HYDIN: variants seen among roughly 807,000 people sequenced by gnomAD.
HYDIN encodes HYDIN axonemal central pair apparatus protein, also known as axonemal central pair apparatus protein HYDIN.
In HYDIN, 132 loss-of-function variants were observed where a neutral mutation model predicts 403.9. That is an observed-to-expected ratio of 0.33 (90% confidence interval 0.28 to 0.38). The LOEUF (loss-of-function observed/expected upper bound fraction) is 0.38. HYDIN is among the 10% of genes least tolerant of loss of function. HYDIN has a pLI of 1.00. For missense variants in HYDIN, 2,827 were observed against 5,009.5 expected, an observed-to-expected ratio of 0.56 and a Z score of 13.15; for synonymous variants, 1,202 against 1,891.7, an observed-to-expected ratio of 0.64 and a Z score of 9.46.
chr16:71,188,997 A>G (rs183876224), intron 1 of HYDIN, among the ~76,000 whole-genome samples: 15 of 152,366 alleles, frequency 9.8e-5, no homozygotes, highest in Admixed American at 3.9e-4. Flanking sequence ...TGGAAATTTT[A>G]AAGTCTTCTA....
Position 70,835,843 on chromosome 16 carries a change from C to A in HYDIN, c.13243-9G>T. The A allele has an allele frequency of 1.6e-6, 1 of 643,662 alleles. No homozygotes were observed. The highest frequency in any genetic ancestry group is 1.9e-5 in the South Asian group (1 of 52,920). The allele number at this position is 643,662 out of a possible 1,614,324, so 39.9% of individuals were successfully genotyped here. Reference sequence around the variant, plus strand: ...GGATCTAGGACTAAAATCTGTGGGACAAGAAAGAGTAGGAAGAAGAGTTCA... The same window carrying A: ...GGATCTAGGACTAAAATCTGTGGGAAAAGAAAGAGTAGGAAGAAGAGTTCA... On this transcript the variant is annotated splice_polypyrimidine_tract_variant and intron_variant, in intron 77 of 85. Transcript: ENST00000393567.
chr16:71,211,375 TCA>T (rs1321822395), intron 1 of HYDIN, among the ~76,000 whole-genome samples: 13 of 146,946 alleles, frequency 8.8e-5, no homozygotes, highest in Admixed American at 8.2e-4. Flanking sequence ...GTACAGTGAC[TCA>T]CACCTGTAAT....
At chr16:71,178,367 C>T (rs141447501) in intron 4 of HYDIN, among the ~76,000 whole-genome samples, 2,382 of 146,390 alleles carry the variant, frequency 0.016, 127 homozygotes, top group East Asian at 0.16. Context: ...TGCAGTGAGC[C>T]GAGATCGTAC....
chr16:71,061,861 A>AGTTTGT (rs2082092266), intron 17 of HYDIN, among the ~76,000 whole-genome samples: 1 of 144,022 alleles, frequency 6.9e-6, no homozygotes, highest in Admixed American at 6.9e-5. Context: ...CATGTGTGAC[A>AGTTTGT]GTGTGTGTGT....
intron 72 of HYDIN, 38 bp downstream of exon 72, chr16:70,857,667 A>T: frequency 8.1e-7 from 1 of 1,238,952 alleles, no homozygotes; most frequent in Non-Finnish European, 1.1e-6. Context: ...TGCCCAGATC[A>T]TGCCAACTCT....
Position 70,920,822 on chromosome 16 carries a change from C to T in HYDIN, c.7554G>A (p.Lys2518=), listed in dbSNP as rs929807915. 6.4e-7 allele frequency: 1 copy of T among 1,570,988 alleles called. No homozygotes were observed. The highest frequency in any genetic ancestry group is 8.6e-7 in the Non-Finnish European group (1 of 1,157,154). The change falls in exon 46 of 86, where the codon AAG becomes AAA. Residue 2518 remains lysine (K), a synonymous_variant. Transcript: ENST00000393567. ...CCAGGCGCTCCTTCTCCGTGCGCTC[C>T]TTCTCCAGGCGCTCTCTCTCCCGGT... is the stretch of plus-strand genomic sequence containing the variant. ...RKDRERERLE[K]ERTEKERLER...
At chr16:71,066,827 A>C (rs1184114213) in intron 15 of HYDIN, 1 of 467,272 alleles carries the variant, frequency 2.1e-6, no homozygotes, top group Non-Finnish European at 4.3e-6. Flanking sequence ...TCCTAGCCTG[A>C]AATTCAAGTC....
intron 67 of HYDIN, among the ~76,000 whole-genome samples, chr16:70,864,932 G>T (rs1287766205): frequency 6.6e-6 from 1 of 152,094 alleles, no homozygotes; most frequent in Non-Finnish European, 1.5e-5. Flanking sequence ...TACAAAAACA[G>T]GCTACAGGCC....
chr16:70,932,412 T>A (rs370370419), intron 45 of HYDIN, among the ~76,000 whole-genome samples: 1 of 151,870 alleles, frequency 6.6e-6, no homozygotes, highest in Non-Finnish European at 1.5e-5. Context: ...ACAAATATTT[T>A]TGAGCACCTT....
At chr16:71,180,244 A>G (rs1266387295) in intron 3 of HYDIN, among the ~76,000 whole-genome samples, 1 of 152,102 alleles carries the variant, frequency 6.6e-6, no homozygotes, top group East Asian at 1.9e-4. Flanking sequence ...TATTATGTCA[A>G]TAAATGTGAA....
At chr16:70,902,823 T>TATATATA (rs1567799734) in intron 52 of HYDIN, among the ~76,000 whole-genome samples, 16 of 20,798 alleles carry the variant, frequency 7.7e-4, no homozygotes, top group African/African-American at 3.8e-3. Context: ...ATATATATAT[T>TATATATA]TTTTTTTTTT....
At chr16:71,072,413 C>G (rs6499431) in intron 13 of HYDIN, among the ~76,000 whole-genome samples, 2 of 152,166 alleles carry the variant, frequency 1.3e-5, no homozygotes, top group Admixed American at 1.3e-4. Context: ...GGTTTGAGCC[C>G]TTCTGTACAG....
chr16:71,170,723 C>T (rs781012969), intron 5 of HYDIN, among the ~76,000 whole-genome samples: 9 of 152,138 alleles, frequency 5.9e-5, no homozygotes, highest in Admixed American at 3.9e-4. Flanking sequence ...TAAGGAGTGA[C>T]TGTGGTTTTT....
Position 71,186,915 on chromosome 16 carries a change from TC to T in HYDIN, c.-21del, listed in dbSNP as rs2087181794. The T allele has an allele frequency of 3.7e-6, 6 of 1,601,514 alleles. No individual in the cohort carries two copies. The highest frequency in any genetic ancestry group is 5.1e-6 in the Non-Finnish European group (6 of 1,172,302). ...TGTCATTTTTAGTAATTTTTTTTTCTCACCTAAGAGTGAAACAAAAATGTCT... is the reference window on the plus strand; with the variant it reads ...TGTCATTTTTAGTAATTTTTTTTTCTACCTAAGAGTGAAACAAAAATGTCT... On this transcript the variant is annotated splice_region_variant and 5_prime_UTR_variant, in exon 2 of 86. Coordinates refer to ENST00000393567, the MANE Select transcript of HYDIN (RefSeq NM_001270974.2).
intron 6 of HYDIN, among the ~76,000 whole-genome samples, chr16:71,158,393 GA>G (rs776159203): frequency 1.6e-4 from 24 of 152,170 alleles, no homozygotes; most frequent in Non-Finnish European, 2.8e-4. Context: ...TTCATAGGTA[GA>G]TAGATAGAAA....
intron 8 of HYDIN, among the ~76,000 whole-genome samples, chr16:71,136,197 AAC>A (rs1012798377): frequency 2.2e-5 from 3 of 136,166 alleles, no homozygotes; most frequent in African/African-American, 8.4e-5. Context: ...GATTAGCTAC[AAC>A]AGTTTGGTTT....
At chr16:70,944,592 G>A (rs2143893688) in intron 41 of HYDIN, among the ~76,000 whole-genome samples, 1 of 152,286 alleles carries the variant, frequency 6.6e-6, no homozygotes, top group Admixed American at 6.5e-5. Flanking sequence ...AACTGAGTGA[G>A]CAATGGGGAA....
chr16:71,202,336 G>A (rs1174142239), intron 1 of HYDIN, among the ~76,000 whole-genome samples: 1 of 152,080 alleles, frequency 6.6e-6, no homozygotes, highest in Non-Finnish European at 1.5e-5. Flanking sequence ...ATACACATTT[G>A]TTTACACATT....
chr16:70,835,745 G>A lies in HYDIN; in HGVS notation c.13332C>T (p.Asn4444=). The change falls in exon 78 of 86, where the codon AAC becomes AAT. Residue 4444 remains asparagine, a synonymous_variant. Coordinates refer to ENST00000393567, the MANE Select transcript of HYDIN (RefSeq NM_001270974.2). ...QVVKRTVSIM[N]NSLAQLTFNQ... ...TAAATGTGAGCTGGGCCAGGCTGTTGTTCATGATGGAAACTGTTCTTTTCA... is the reference window on the plus strand; with the variant it reads ...TAAATGTGAGCTGGGCCAGGCTGTTATTCATGATGGAAACTGTTCTTTTCA... 1 of 707,360 alleles carries A rather than the reference G, an allele frequency of 1.4e-6. No individual in the cohort carries two copies. The highest frequency in any genetic ancestry group is 2.5e-6 in the Non-Finnish European group (1 of 404,008). 43.8% of individuals were successfully genotyped at this position (707,360 alleles called of 1,614,324 possible).
Sources: allele counts gnomAD v4.1 joint callset (sites outside exome capture counted in the v4.1 genomes callset), GRCh38; gene constraint gnomAD v4.1.1; transcripts MANE v1.5; gene names NCBI Gene and HGNC (gene_info 2026-07-23, HGNC 2026-07-21).